Variants in BTBD9 observed in about 807,000 individuals in gnomAD.
BTBD9 encodes the protein BTB/POZ domain-containing protein 9.
Under a neutral mutation model 64.3 loss-of-function variants are expected in BTBD9, and 49 were observed. The observed-to-expected ratio is 0.76, with a 90% CI of 0.61 to 0.97. The LOEUF (loss-of-function observed/expected upper bound fraction) is 0.97. Among genes scored for constraint, BTBD9 ranks in the 50% least tolerant of loss-of-function variants. The probability of loss-of-function intolerance (pLI) is 0.00; values close to 1 mark genes in which losing one functional copy is unlikely to be tolerated. For synonymous variants in BTBD9, 260 were observed against 274.7 expected (o/e 0.95, Z 0.53); for missense variants, 598 against 762.1 (o/e 0.78, Z 2.53).
At chr6:38,191,610 C>T (rs1345698365) in intron 10 of BTBD9, among the ~76,000 whole-genome samples, 3 of 152,224 alleles carry the variant, frequency 2.0e-5, no homozygotes, top group African/African-American at 7.2e-5. Flanking sequence ...TCACACCAGA[C>T]TCGGGCTCCG....
intron 6 of BTBD9, among the ~76,000 whole-genome samples, chr6:38,374,605 G>A (rs1367982036): frequency 2.6e-5 from 4 of 151,728 alleles, no homozygotes; most frequent in African/African-American, 9.7e-5. Context: ...ATTTAATGAA[G>A]TGTTTTCAAT....
intron 9 of BTBD9, among the ~76,000 whole-genome samples, chr6:38,224,766 TC>T (rs1763333620): frequency 6.6e-6 from 1 of 152,244 alleles, no homozygotes; most frequent in African/African-American, 2.4e-5. Flanking sequence ...ACATATTTAA[TC>T]AGAGCTATCC....
intron 6 of BTBD9, among the ~76,000 whole-genome samples, chr6:38,535,117 T>C (rs543983853): frequency 7.4e-4 from 113 of 152,112 alleles, no homozygotes; most frequent in African/African-American, 2.7e-3. Flanking sequence ...TTTGGAAAAA[T>C]CTAAAGACTC....
chr6:38,195,878 T>C (rs1272544036), intron 9 of BTBD9, among the ~76,000 whole-genome samples: 2 of 152,276 alleles, frequency 1.3e-5, no homozygotes, highest in Non-Finnish European at 2.9e-5. Flanking sequence ...ATTTTAGCTT[T>C]GGACGGAAGA....
rs114579114 is a variant in BTBD9 at position 38,307,507 on chromosome 6, C to T, written c.1265-19046G>A. Reference sequence around the variant, plus strand: ...AGAAGGCTGCTTCTGAACACACTTCCAGAGAATTCAGTCCTGACCACCTCT... The same window carrying T: ...AGAAGGCTGCTTCTGAACACACTTCTAGAGAATTCAGTCCTGACCACCTCT... On this transcript the variant is annotated intron_variant, in intron 7 of 10. Transcript: ENST00000481247. Among the ~76,000 whole-genome samples, 1,107 of 152,342 alleles carry T rather than the reference C, an allele frequency of 7.3e-3. 19 individuals are homozygous for T. The highest frequency in any genetic ancestry group is 0.025 in the African/African-American group (1,047 of 41,570).
At chr6:38,439,269 G>A (rs1190168397) in intron 6 of BTBD9, among the ~76,000 whole-genome samples, 3 of 147,892 alleles carry the variant, frequency 2.0e-5, no homozygotes, top group African/African-American at 5.0e-5. Context: ...GATTACAGGC[G>A]TGTACCACCA....
chr6:38,552,502 G>A (rs768744430), intron 6 of BTBD9, among the ~76,000 whole-genome samples: 18 of 152,064 alleles, frequency 1.2e-4, no homozygotes, highest in African/African-American at 3.4e-4. Context: ...AAAATGGGCC[G>A]GGCACAGTGG....
In BTBD9 at chr6:38,233,959, G is replaced by C. The variant is rs546268297; in HGVS notation, c.1562+22450C>G. On this transcript the variant is annotated intron_variant, in intron 9 of 10. Transcript: ENST00000481247. ...TAAGGCTTTTATATTACAGGCAAGG[G>C]CTAATTATTTTAACTGATACCACTG... Among the ~76,000 whole-genome samples the C allele has an allele frequency of 4.6e-5, 7 of 152,310 alleles. No individual in the cohort carries two copies. The South Asian group carries it at 1.5e-3, about 32-fold the overall frequency.
chr6:38,255,610 C>T (rs12191476), intron 9 of BTBD9, among the ~76,000 whole-genome samples: 55,262 of 151,980 alleles, frequency 0.36, 10,909 homozygotes, highest in Non-Finnish European at 0.44. Flanking sequence ...GTCTAAACAG[C>T]CCCAGTGCCA....
intron 7 of BTBD9, among the ~76,000 whole-genome samples, chr6:38,330,503 A>G (rs1763631797): frequency 6.6e-6 from 1 of 152,202 alleles, no homozygotes; most frequent in Non-Finnish European, 1.5e-5. Flanking sequence ...CCTGGGCAAC[A>G]TAGCAAGACC....
chr6:38,175,945 C>T (rs1415334996), intron 10 of BTBD9, among the ~76,000 whole-genome samples: 1 of 152,250 alleles, frequency 6.6e-6, no homozygotes, highest in Non-Finnish European at 1.5e-5. Context: ...CCGACAGTCA[C>T]CCTCTAGGAG....
intron 9 of BTBD9, among the ~76,000 whole-genome samples, chr6:38,243,887 T>C (rs1764094708): frequency 6.6e-6 from 1 of 152,164 alleles, no homozygotes; most frequent in Non-Finnish European, 1.5e-5. Flanking sequence ...TTCCTTCTTC[T>C]TTTTTAAACA....
chr6:38,248,312 AG>A (rs1246750997), intron 9 of BTBD9, among the ~76,000 whole-genome samples: 1 of 152,234 alleles, frequency 6.6e-6, no homozygotes, highest in East Asian at 1.9e-4. Context: ...TAGAAAGACT[AG>A]GTAGTTCCAT....
At chr6:38,274,712 C>G (rs1046707545) in intron 8 of BTBD9, among the ~76,000 whole-genome samples, 5 of 152,158 alleles carry the variant, frequency 3.3e-5, no homozygotes, top group Non-Finnish European at 7.3e-5. Context: ...ACCAGCCTTG[C>G]ATCCCAGGGA....
At chr6:38,333,222 A>G (rs1763746985) in intron 7 of BTBD9, among the ~76,000 whole-genome samples, 1 of 152,218 alleles carries the variant, frequency 6.6e-6, no homozygotes, top group Non-Finnish European at 1.5e-5. Context: ...AGCCAAATAC[A>G]CATGCTGAAA....
At chr6:38,411,257 T>C (rs528731335) in intron 6 of BTBD9, among the ~76,000 whole-genome samples, 36 of 152,252 alleles carry the variant, frequency 2.4e-4, no homozygotes, top group African/African-American at 8.4e-4. Context: ...CATGCAAGAA[T>C]AGCCAAGAAA....
At chr6:38,508,384 C>A (rs1025885337) in intron 6 of BTBD9, among the ~76,000 whole-genome samples, 1 of 152,094 alleles carries the variant, frequency 6.6e-6, no homozygotes, top group African/African-American at 2.4e-5. Context: ...AACCCCTCCC[C>A]CAAATAGACA....
At chr6:38,232,274 C>CTTT (rs990677793) in intron 9 of BTBD9, among the ~76,000 whole-genome samples, 1 of 140,788 alleles carries the variant, frequency 7.1e-6, no homozygotes, top group Admixed American at 7.1e-5. Context: ...TCTCTGTTTT[C>CTTT]TTTTTTTTTT....
Position 38,169,680 on chromosome 6 carries a change from G to A in BTBD9, c.*5305C>T, listed in dbSNP as rs954855946. On this transcript the variant is annotated 3_prime_UTR_variant, in exon 11 of 11. Coordinates refer to ENST00000481247, the MANE Select transcript of BTBD9 (RefSeq NM_001099272.2). ...TCACAGCCGCAGTGACAGCCTTGGG[G>A]AGGCTGAGGGGGCTCTGTCAACCAG... The A allele has an allele frequency of 3.9e-5, 6 of 152,418 alleles. No individual in the cohort carries two copies. The highest frequency in any genetic ancestry group is 1.4e-4 in the African/African-American group (6 of 41,574). 9.4% of individuals were successfully genotyped at this position (152,418 alleles called of 1,614,324 possible). A position where few individuals can be genotyped will look rare whatever the true frequency, so the allele number is the denominator to read the frequency against.
Sources: gnomAD v4.1 joint callset for allele counts (sites outside exome capture counted in the v4.1 genomes callset) on GRCh38, gnomAD v4.1.1 for gene constraint, MANE v1.5 for transcripts, NCBI Gene and HGNC (gene_info 2026-07-23, HGNC 2026-07-21) for gene names.